Variants in TRMT1L observed in about 807,000 individuals in gnomAD.
TRMT1L encodes tRNA methyltransferase 1L.
Under a neutral mutation model 81.6 loss-of-function variants are expected in TRMT1L, and 28 were observed. The observed-to-expected ratio is 0.34, with a 90% confidence interval of 0.25 to 0.47. TRMT1L has a LOEUF of 0.47. Ranked by LOEUF, TRMT1L falls within the 20% of genes least tolerant of loss-of-function variation. TRMT1L has a pLI of 1.00. For synonymous variants in TRMT1L, 301 were observed against 303.2 expected, an observed-to-expected ratio of 0.99 and a Z score of 0.07; for missense variants, 739 against 877.1, an observed-to-expected ratio of 0.84 and a Z score of 1.99.
chr1:185,153,485 T>C (rs1653416815), intron 1 of TRMT1L, among the ~76,000 whole-genome samples: 2 of 152,232 alleles, frequency 1.3e-5, no homozygotes, highest in South Asian at 4.1e-4. Context: ...CAACACTGAA[T>C]ATCACAAACA....
chr1:185,156,344 C>T (rs1320536680), intron 1 of TRMT1L, 134 bp downstream of exon 1: 6 of 1,596,878 alleles, frequency 3.8e-6, no homozygotes, highest in African/African-American at 2.7e-5. Context: ...ACACGGGCCC[C>T]TCTTTCCTCC....
At chr1:185,142,789 A>G (rs1653084200) in intron 7 of TRMT1L, among the ~76,000 whole-genome samples, 1 of 152,316 alleles carries the variant, frequency 6.6e-6, no homozygotes, top group Non-Finnish European at 1.5e-5. Context: ...CTATGGGTCA[A>G]AAGACATGTT....
intron 13 of TRMT1L, among the ~76,000 whole-genome samples, chr1:185,122,351 A>G (rs1407511971): frequency 6.6e-6 from 1 of 152,208 alleles, no homozygotes; most frequent in East Asian, 1.9e-4. Flanking sequence ...ATATAATTTA[A>G]AAGTTATAGA....
Position 185,137,754 on chromosome 1 carries a change from T to C in TRMT1L, c.1365A>G (p.Ala455=), listed in dbSNP as rs763937317. The C allele has an allele frequency of 6.8e-6, 11 of 1,613,958 alleles. No individual in the cohort carries two copies. In the East Asian group the frequency reaches 1.8e-4, roughly 26 times the overall value. Residue 455 remains alanine, a synonymous_variant, in exon 10 of 15, where the codon GCA becomes GCG. Coordinates refer to ENST00000367506, the MANE Select transcript of TRMT1L (RefSeq NM_030934.5). The part of the protein sequence containing the change: ...RCNKGIEVLF[A]VALEHFVLVV... ...CCAACACAAAATGTTCCAGAGCCAC[T>C]GCAAACAGTACTTCTATGCCTTTGT...
At position 185,120,186 on chromosome 1, in the gene TRMT1L, C is replaced by G; in HGVS notation, c.2035G>C (p.Ala679Pro). ...HFDPMGVRTD[A>P]PLMQFKSILL... is the part of the protein sequence containing the mutation. Reference sequence around the variant, plus strand: ...ATAGATTTAAACTGCATCAGAGGTGCATCTGTGCGTACACCCATTGGGTCA... The same window carrying G: ...ATAGATTTAAACTGCATCAGAGGTGGATCTGTGCGTACACCCATTGGGTCA... The change falls in exon 15 of 15, where the codon GCA (alanine) becomes CCA (proline). Residue 679 changes from alanine (A) to proline (P), a missense_variant. By Grantham distance (27) the Ala-to-Pro change is conservative (BLOSUM62 -1). Transcript: ENST00000367506. The G allele has an allele frequency of 6.2e-7, 1 of 1,613,942 alleles. No individual in the cohort carries two copies. Among genetic ancestry groups the G allele is most frequent in the Non-Finnish European group, 8.5e-7 (1 of 1,179,904 alleles).
rs1482815387 is a variant in TRMT1L, at chr1:185,137,785, C to T, written c.1334G>A (p.Arg445Gln). The change falls in exon 10 of 15, where the codon CGA becomes CAA. Residue 445 changes from arginine to glutamine, a missense_variant. Arg to Gln is a conservative substitution (Grantham distance 43). Coordinates refer to ENST00000367506, the MANE Select transcript of TRMT1L (RefSeq NM_030934.5). ...VVAAVARAAA[R>Q]CNKGIEVLFA... The stretch of plus-strand genomic sequence containing the variant: ...CAGTACTTCTATGCCTTTGTTGCAT[C>T]GGGCTGCAGCTCTACAATAAATTTT... The T allele has an allele frequency of 2.5e-6, 4 of 1,611,500 alleles. No homozygotes were observed. Among genetic ancestry groups the T allele is most frequent in the Non-Finnish European group, 3.4e-6 (4 of 1,179,396 alleles).
At chr1:185,128,944 G>A (rs1398117475) in intron 10 of TRMT1L, among the ~76,000 whole-genome samples, 197 bp from the exon 11 acceptor site, 1 of 151,744 alleles carries the variant, frequency 6.6e-6, no homozygotes, top group Non-Finnish European at 1.5e-5. Flanking sequence ...ACATATATGT[G>A]CACACACACA....
At chr1:185,157,406 C>A (rs1216819991), upstream of TRMT1L, 1 of 152,580 alleles carries the variant, frequency 6.6e-6, no homozygotes, top group African/African-American at 2.4e-5. Context: ...GCCGGCCGGA[C>A]TGGGGACTCA....
intron 9 of TRMT1L, 76 bp from the exon 10 acceptor site, chr1:185,137,872 C>T (rs1473833523): frequency 1.4e-6 from 2 of 1,431,448 alleles, no homozygotes; most frequent in Non-Finnish European, 9.6e-7. Context: ...CAATATTAAC[C>T]TGGACAGTAT....
chr1:185,149,330 A>T (rs1297339931), intron 3 of TRMT1L, among the ~76,000 whole-genome samples: 1 of 144,576 alleles, frequency 6.9e-6, no homozygotes, highest in East Asian at 2.0e-4. Flanking sequence ...TAAGAAACAG[A>T]GTCTCACTCT....
At chr1:185,123,965 C>T (rs768453053) in intron 12 of TRMT1L, 46 bp from the exon 13 acceptor site, 12 of 1,062,152 alleles carry the variant, frequency 1.1e-5, no homozygotes, top group Non-Finnish European at 1.6e-5. Flanking sequence ...TACAGAATGA[C>T]ATAAAGCAAC....
chr1:185,144,477 GCTTA>G (rs1435232302), intron 5 of TRMT1L, among the ~76,000 whole-genome samples: 1 of 151,898 alleles, frequency 6.6e-6, no homozygotes, highest in Non-Finnish European at 1.5e-5. Flanking sequence ...AGCTAGCATG[GCTTA>G]CTAAGAATCA....
intron 1 of TRMT1L, among the ~76,000 whole-genome samples, chr1:185,153,666 C>CT (rs892101136): frequency 5.3e-5 from 8 of 151,794 alleles, no homozygotes; most frequent in South Asian, 2.1e-4. Context: ...CTGTAACTTG[C>CT]TTTTTTTTAA....
At chr1:185,147,387 G>T in intron 3 of TRMT1L, 141 bp from the exon 4 acceptor site, 1 of 626,116 alleles carries the variant, frequency 1.6e-6, no homozygotes. Context: ...GATTGCTTTA[G>T]TTTATACAAT....
intron 10 of TRMT1L, 62 bp from the exon 11 acceptor site, chr1:185,128,809 T>C (rs1557985550): frequency 7.4e-7 from 1 of 1,347,380 alleles, no homozygotes; most frequent in Non-Finnish European, 1.0e-6. Flanking sequence ...TAGTAGTAAT[T>C]GTTATATTAA....
At chr1:185,150,627 T>C (rs576768064) in intron 2 of TRMT1L, 135 bp from the exon 3 acceptor site, 75 of 673,862 alleles carry the variant, frequency 1.1e-4, no homozygotes, top group Non-Finnish European at 1.8e-4. Flanking sequence ...GAAGTCATTA[T>C]TCTTGACCCA....
At chr1:185,154,803 G>A (rs553929213) in intron 1 of TRMT1L, among the ~76,000 whole-genome samples, 1 of 152,332 alleles carries the variant, frequency 6.6e-6, no homozygotes, top group South Asian at 2.1e-4. Context: ...GTGCGTATCA[G>A]ACAATCTGTA....
chr1:185,144,989 A>G lies in TRMT1L; in HGVS notation c.655+450T>C, dbSNP rs563227324. The stretch of plus-strand genomic sequence containing the variant: ...AGAGAAGTTATTCATTACATATAAT[A>G]CATGCTTTAGGCCATTAGTGCTTGA... On this transcript the variant is annotated intron_variant, in intron 5 of 14. Coordinates refer to ENST00000367506, the MANE Select transcript of TRMT1L (RefSeq NM_030934.5). 9.2e-5 allele frequency among the ~76,000 whole-genome samples: 14 copies of G among 152,008 alleles called. No homozygotes were observed. In the South Asian group the frequency reaches 2.7e-3, roughly 29 times the overall value.
At position 185,140,257 on chromosome 1, in the gene TRMT1L, T is replaced by C. The variant is rs754260522; in HGVS notation, c.860-35A>G. On this transcript the variant is annotated intron_variant, in intron 7 of 14. Transcript: ENST00000367506. ...AATGGGAAGAAAATGAGTTTTATAA[T>C]TGTAATAATTTTAAAGAATAAAAAT... is the stretch of plus-strand genomic sequence containing the variant. 1.0e-5 allele frequency: 15 copies of C among 1,493,180 alleles called. No individual in the cohort carries two copies. The Admixed American group carries it at 2.0e-4, about 20-fold the overall frequency. 92.5% of individuals were successfully genotyped at this position (1,493,180 alleles called of 1,614,324 possible).
Sources: allele counts gnomAD v4.1 joint callset (sites outside exome capture counted in the v4.1 genomes callset), GRCh38; gene constraint gnomAD v4.1.1; transcripts MANE v1.5; gene names NCBI Gene and HGNC (gene_info 2026-07-23, HGNC 2026-07-21).